Variants in RALYL observed in about 807,000 individuals in gnomAD.
The protein encoded by RALYL is RNA-binding Raly-like protein.
RALYL carries 29 observed loss-of-function variants against 35.1 expected under a neutral mutation model. The observed-to-expected ratio is 0.83, with a 90% CI of 0.61 to 1.13. The LOEUF is 1.13. Ranked by LOEUF, RALYL falls within the 50% of genes most tolerant of loss-of-function variation. The probability of loss-of-function intolerance (pLI) is 0.00; values close to 1 mark genes in which losing one functional copy is unlikely to be tolerated. For synonymous variants in RALYL, 120 were observed against 127.6 expected (o/e 0.94, Z 0.40); for missense variants, 359 against 360.4 (o/e 1.00, Z 0.03).
At chr8:84,775,396 G>A (rs776723788) in intron 3 of RALYL, among the ~76,000 whole-genome samples, 3 of 152,164 alleles carry the variant, frequency 2.0e-5, no homozygotes, top group African/African-American at 4.8e-5. Flanking sequence ...GTTTCTTAGT[G>A]ATTTTTTCAA....
chr8:84,634,835 A>G (rs1824693093), intron 2 of RALYL, among the ~76,000 whole-genome samples: 1 of 151,732 alleles, frequency 6.6e-6, no homozygotes, highest in Admixed American at 6.6e-5. Flanking sequence ...TCTTGAACTC[A>G]TTCTATTGAT....
Position 84,862,356 on chromosome 8 carries a change from T to A in RALYL, c.474T>A (p.Arg158=). Residue 158 remains arginine (R), a synonymous_variant, in exon 6 of 9, where the codon CGT becomes CGA. Coordinates refer to ENST00000521268, the MANE Select transcript of RALYL (RefSeq NM_173848.7). The part of the protein sequence containing the change: ...PPPRAVIPLK[R]PRVAVTTTRR... ...CCCGTGCAGTAATTCCGCTGAAGCG[T>A]CCCAGAGTGGCAGTCACAACGACTC... is the stretch of plus-strand genomic sequence containing the variant. The A allele has an allele frequency of 1.2e-6, 2 of 1,607,138 alleles. No homozygotes were observed. The highest frequency in any genetic ancestry group is 1.7e-6 in the Non-Finnish European group (2 of 1,177,164).
chr8:84,470,670 A>C (rs7836891), intron 1 of RALYL, among the ~76,000 whole-genome samples: 5,994 of 152,254 alleles, frequency 0.039, 239 homozygotes, highest in African/African-American at 0.099. Flanking sequence ...TGACTTCTAA[A>C]TGGTCTTGTG....
chr8:84,755,789 A>C (rs1811248700), intron 2 of RALYL, among the ~76,000 whole-genome samples: 1 of 152,014 alleles, frequency 6.6e-6, no homozygotes, highest in East Asian at 1.9e-4. Flanking sequence ...TGTGCCTAAA[A>C]TTGTAATCCA....
chr8:84,866,861 A>G (rs193280222), intron 6 of RALYL, among the ~76,000 whole-genome samples: 40 of 152,326 alleles, frequency 2.6e-4, no homozygotes, highest in African/African-American at 8.4e-4. Context: ...TGAAGGGTTC[A>G]GATTTCATGC....
intron 3 of RALYL, among the ~76,000 whole-genome samples, chr8:84,799,321 T>G (rs1822646147): frequency 2.0e-5 from 3 of 152,192 alleles, no homozygotes; most frequent in African/African-American, 7.2e-5. Context: ...AGAAAATACT[T>G]CCTGGAAACA....
chr8:84,858,681 G>A (rs930874368), intron 5 of RALYL, among the ~76,000 whole-genome samples: 1 of 152,128 alleles, frequency 6.6e-6, no homozygotes, highest in African/African-American at 2.4e-5. Flanking sequence ...TTGATTTACT[G>A]TAGGCCGAAT....
intron 1 of RALYL, among the ~76,000 whole-genome samples, chr8:84,235,939 G>T (rs951005005): frequency 7.3e-5 from 11 of 151,686 alleles, no homozygotes; most frequent in African/African-American, 2.7e-4. Flanking sequence ...GCTAATTTTT[G>T]TATTTTTAGT....
chr8:84,358,722 G>C (rs1852356944), intron 1 of RALYL, among the ~76,000 whole-genome samples: 1 of 152,044 alleles, frequency 6.6e-6, no homozygotes, highest in South Asian at 2.1e-4. Flanking sequence ...CTGTGTTAAT[G>C]AGGAATTGAA....
At chr8:84,678,518 C>T (rs567378587) in intron 2 of RALYL, among the ~76,000 whole-genome samples, 17 of 152,208 alleles carry the variant, frequency 1.1e-4, no homozygotes, top group Admixed American at 8.5e-4. Flanking sequence ...CCACCCACCT[C>T]GGCCTCCCAA....
chr8:84,818,923 A>G (rs2134205847), intron 4 of RALYL, among the ~76,000 whole-genome samples: 1 of 152,284 alleles, frequency 6.6e-6, no homozygotes, highest in Middle Eastern at 3.4e-3. Flanking sequence ...CAGCATGACA[A>G]GCTAAAATCC....
intron 2 of RALYL, among the ~76,000 whole-genome samples, chr8:84,745,123 A>G (rs1808310096): frequency 6.6e-6 from 1 of 151,552 alleles, no homozygotes; most frequent in Non-Finnish European, 1.5e-5. Flanking sequence ...TTGGTTCACC[A>G]GTCATCATGG....
At chr8:84,262,853 T>G (rs1832573063) in intron 1 of RALYL, among the ~76,000 whole-genome samples, 1 of 152,156 alleles carries the variant, frequency 6.6e-6, no homozygotes, top group African/African-American at 2.4e-5. Context: ...GAAGATTTTG[T>G]TTCACTTTTA....
intron 4 of RALYL, among the ~76,000 whole-genome samples, chr8:84,814,242 A>C (rs1826633134): frequency 6.6e-6 from 1 of 151,744 alleles, no homozygotes; most frequent in African/African-American, 2.4e-5. Context: ...GTCAATCAGA[A>C]AGCTTTAAAA....
intron 3 of RALYL, among the ~76,000 whole-genome samples, chr8:84,775,624 T>C (rs959927031): frequency 6.6e-6 from 1 of 152,230 alleles, no homozygotes; most frequent in African/African-American, 2.4e-5. Flanking sequence ...CTTAACACTC[T>C]GGTCTTTCCC....
chr8:84,858,064 A>G (rs1837404948), intron 5 of RALYL, among the ~76,000 whole-genome samples: 1 of 152,122 alleles, frequency 6.6e-6, no homozygotes, highest in Non-Finnish European at 1.5e-5. Flanking sequence ...TTCCTAGAGA[A>G]AAGTTGTCTA....
intron 1 of RALYL, among the ~76,000 whole-genome samples, chr8:84,291,459 TGTC>T (rs1205601451): frequency 6.6e-6 from 1 of 152,176 alleles, no homozygotes; most frequent in Non-Finnish European, 1.5e-5. Context: ...CAATATATGT[TGTC>T]AATAATTTTA....
intron 2 of RALYL, among the ~76,000 whole-genome samples, chr8:84,581,896 A>C (rs779934405): frequency 5.3e-5 from 8 of 152,154 alleles, no homozygotes; most frequent in Non-Finnish European, 1.0e-4. Flanking sequence ...AATTTATTCC[A>C]AACAATAGAT....
At chr8:84,255,606 A>T (rs1044437400) in intron 1 of RALYL, among the ~76,000 whole-genome samples, 1 of 151,656 alleles carries the variant, frequency 6.6e-6, no homozygotes, top group African/African-American at 2.4e-5. Context: ...AGAGTCTGAC[A>T]TTTTTTTTAA....
Sources: gnomAD v4.1 joint callset for allele counts (sites outside exome capture counted in the v4.1 genomes callset) on GRCh38, gnomAD v4.1.1 for gene constraint, MANE v1.5 for transcripts, NCBI Gene and HGNC (gene_info 2026-07-23, HGNC 2026-07-21) for gene names.